The following MRPL47 variants were observed in gnomAD, a reference collection of about 807,000 sequenced individuals.
MRPL47 encodes mitochondrial ribosomal protein L47.
In MRPL47, 31 loss-of-function variants were observed where a neutral mutation model predicts 34.0. The observed-to-expected ratio is 0.91, with a 90% confidence interval of 0.68 to 1.23. The LOEUF (loss-of-function observed/expected upper bound fraction) is 1.23, where lower values mean the gene tolerates loss of function less well. MRPL47 is among the 50% of genes most tolerant of loss of function. The probability of loss-of-function intolerance (pLI) is 0.00; values close to 1 mark genes in which losing one functional copy is unlikely to be tolerated. For synonymous variants in MRPL47, 106 were observed against 101.6 expected (o/e 1.04, Z -0.26); for missense variants, 328 against 285.8 (o/e 1.15, Z -1.07).
In MRPL47 at chr3:179,588,910, G is replaced by C; in HGVS notation, c.715C>G (p.Pro239Ala). ...GACTTTTGGGCTTCAGCAAGATGTG[G>C]AAACTTTTTTAAAAGAATTTTTGCT... The part of the protein sequence containing the change: ...KKAKILLKKF[P>A]HLAEAQKSSL... Residue 239 changes from proline (P) to alanine (A), a missense_variant, in exon 7 of 7, where the codon CCA becomes GCA. Coordinates refer to ENST00000476781, the MANE Select transcript of MRPL47 (RefSeq NM_020409.3). 1 of 1,613,636 alleles carries C rather than the reference G, an allele frequency of 6.2e-7. No homozygotes were observed. Among genetic ancestry groups the C allele is most frequent in the South Asian group, 1.1e-5 (1 of 90,998 alleles).
rs753870726 is a variant in MRPL47, at chr3:179,593,843, G to A, written c.455C>T (p.Ala152Val). The change falls in exon 5 of 7, where the codon GCC becomes GTC. Residue 152 changes from alanine (A) to valine (V), a missense_variant. Ala to Val is a moderately conservative substitution (Grantham distance 64, BLOSUM62 0). Coordinates refer to ENST00000476781, the MANE Select transcript of MRPL47 (RefSeq NM_020409.3). Reference sequence around the variant, plus strand: ...TTGACCAGTCTGAAGAAGCCTTAGGGCATCTTCTCTTTCCTGGACAACTTT... The same window carrying A: ...TTGACCAGTCTGAAGAAGCCTTAGGACATCTTCTCTTTCCTGGACAACTTT... ...LDKVVQERED[A>V]LRLLQTGQER... 1.9e-6 allele frequency: 3 copies of A among 1,613,452 alleles called. No homozygotes were observed. In the South Asian group the frequency reaches 3.3e-5, roughly 18 times the overall value.
intron 2 of MRPL47, 67 bp from the exon 3 acceptor site, chr3:179,601,857 C>T (rs914460898): frequency 1.8e-6 from 2 of 1,101,484 alleles, no homozygotes; most frequent in Non-Finnish European, 1.4e-6. Context: ...ATTATTTAAG[C>T]TCTCTAAACC....
chr3:179,590,953 A>G (rs1030669624), intron 6 of MRPL47, among the ~76,000 whole-genome samples: 1 of 152,258 alleles, frequency 6.6e-6, no homozygotes, highest in African/African-American at 2.4e-5. Context: ...ACTACAGATA[A>G]AATGAGAGGT....
chr3:179,592,526 T>C, intron 6 of MRPL47, 118 bp downstream of exon 6: 1 of 633,912 alleles, frequency 1.6e-6, no homozygotes, highest in Non-Finnish European at 2.7e-6. Flanking sequence ...ACTTATGTAA[T>C]AACAGAAATT....
chr3:179,601,259 T>C (rs1054117076), intron 3 of MRPL47, among the ~76,000 whole-genome samples: 2 of 151,816 alleles, frequency 1.3e-5, no homozygotes, highest in African/African-American at 4.8e-5. Context: ...CGCAAAAAAA[T>C]TAGCTGGGTG....
chr3:179,588,992 C>A lies in MRPL47; in HGVS notation c.633G>T (p.Leu211=). The A allele has an allele frequency of 6.2e-7, 1 of 1,605,666 alleles. No homozygotes were observed. The highest frequency in any genetic ancestry group is 8.5e-7 in the Non-Finnish European group (1 of 1,177,456). Residue 211 remains leucine (L), a synonymous_variant, in exon 7 of 7, where the codon CTG becomes CTT. Coordinates refer to ENST00000476781, the MANE Select transcript of MRPL47 (RefSeq NM_020409.3). ...ALPYVDHFLR[L]EREKRARIKA... ...TGATGCGGGCTCGTTTCTCACGTTCCAGTCTAGAATAAAAAAAGCGTAACA... is the reference window on the plus strand; with the variant it reads ...TGATGCGGGCTCGTTTCTCACGTTCAAGTCTAGAATAAAAAAAGCGTAACA...
At chr3:179,599,635 TA>T (rs1286381468) in intron 3 of MRPL47, among the ~76,000 whole-genome samples, 3 of 152,166 alleles carry the variant, frequency 2.0e-5, no homozygotes, top group Non-Finnish European at 4.4e-5. Flanking sequence ...TGATGTGGGA[TA>T]ATAAGTGGGA....
intron 6 of MRPL47, 119 bp from the exon 7 acceptor site, chr3:179,589,114 GGT>G: frequency 1.0e-6 from 1 of 975,950 alleles, no homozygotes; most frequent in Non-Finnish European, 1.5e-6. Flanking sequence ...CCCTGTATTT[GGT>G]GTGTTATATA....
At position 179,593,975 on chromosome 3, in the gene MRPL47, T is replaced by C. The variant is rs573303157; in HGVS notation, c.403-80A>G. ...AAAAAAGAGAATGTATAAACACTTCTGCTACAGAAAACTTATGAATATTTA... is the reference window on the plus strand; with the variant it reads ...AAAAAAGAGAATGTATAAACACTTCCGCTACAGAAAACTTATGAATATTTA... On this transcript the variant is annotated intron_variant, in intron 4 of 6. Transcript: ENST00000476781. The C allele has an allele frequency of 3.8e-6, 5 of 1,313,130 alleles. No individual in the cohort carries two copies. In the Admixed American group the frequency reaches 1.1e-4, roughly 29 times the overall value. 81.3% of individuals were successfully genotyped at this position (1,313,130 alleles called of 1,614,324 possible). A position where few individuals can be genotyped will look rare whatever the true frequency, so the allele number is the denominator to read the frequency against.
At chr3:179,590,527 A>C (rs1407090220) in intron 6 of MRPL47, among the ~76,000 whole-genome samples, 5 of 152,152 alleles carry the variant, frequency 3.3e-5, no homozygotes, top group Admixed American at 6.5e-5. Context: ...GCAACAGAAG[A>C]AGCAACAGTG....
At chr3:179,601,870 T>A (rs748871116) in intron 2 of MRPL47, 80 bp from the exon 3 acceptor site, 39 of 911,228 alleles carry the variant, frequency 4.3e-5, no homozygotes, top group Non-Finnish European at 6.8e-5. Flanking sequence ...TCTAAACCTG[T>A]CTAAACCTGT....
At chr3:179,589,814 C>T (rs939520099) in intron 6 of MRPL47, among the ~76,000 whole-genome samples, 13 of 152,130 alleles carry the variant, frequency 8.5e-5, no homozygotes, top group African/African-American at 1.4e-4. Flanking sequence ...TGAACAAAGT[C>T]AAAATGAGAT....
At chr3:179,592,557 GCTTT>G (rs1260469352) in intron 6 of MRPL47, 83 bp downstream of exon 6, 5 of 785,258 alleles carry the variant, frequency 6.4e-6, no homozygotes, top group African/African-American at 5.2e-5. Context: ...GACAGCTTAA[GCTTT>G]CTTTATGTCA....
chr3:179,595,428 C>G (rs1305840335), intron 4 of MRPL47, among the ~76,000 whole-genome samples: 1 of 152,186 alleles, frequency 6.6e-6, no homozygotes, highest in East Asian at 1.9e-4. Flanking sequence ...AATTCACATG[C>G]CTTCCTCTTA....
At chr3:179,597,353 G>A (rs1479856364) in intron 4 of MRPL47, among the ~76,000 whole-genome samples, 4 of 152,072 alleles carry the variant, frequency 2.6e-5, no homozygotes, top group Admixed American at 6.6e-5. Context: ...AAATGGCTGC[G>A]ACTGGTGTGA....
chr3:179,601,134 G>A (rs921825889), intron 3 of MRPL47, among the ~76,000 whole-genome samples: 2 of 152,194 alleles, frequency 1.3e-5, no homozygotes, highest in Non-Finnish European at 2.9e-5. Flanking sequence ...ACCAATGGCT[G>A]GGCACAGTGG....
chr3:179,594,018 G>T, intron 4 of MRPL47, 123 bp from the exon 5 acceptor site: 1 of 862,902 alleles, frequency 1.2e-6, no homozygotes, highest in African/African-American at 1.7e-5. Flanking sequence ...GAACCACTCT[G>T]TTAAGTATTT....
At chr3:179,593,961 T>C in intron 4 of MRPL47, 66 bp from the exon 5 acceptor site, 2 of 1,420,394 alleles carry the variant, frequency 1.4e-6, no homozygotes, top group South Asian at 1.2e-5. Context: ...AAAAAGAGAA[T>C]GTATAAACAC....
chr3:179,603,201 A>G (rs891796043), intron 1 of MRPL47, among the ~76,000 whole-genome samples: 7 of 152,166 alleles, frequency 4.6e-5, no homozygotes, highest in African/African-American at 1.7e-4. Flanking sequence ...TCCTTCTTAC[A>G]TTGCTAATGG....
Sources: gnomAD v4.1 joint callset for allele counts (sites outside exome capture counted in the v4.1 genomes callset) on GRCh38, gnomAD v4.1.1 for gene constraint, MANE v1.5 for transcripts, NCBI Gene and HGNC (gene_info 2026-07-23, HGNC 2026-07-21) for gene names.